The following WASF2 variants were observed in gnomAD, a reference collection of about 807,000 sequenced individuals.
WASF2 encodes WASP family member 2, also known as actin-binding protein WASF2.
A neutral mutation model predicts 45.0 loss-of-function variants in WASF2; 14 were observed. That is an observed-to-expected ratio of 0.31 (90% confidence interval 0.21 to 0.49). The LOEUF is 0.49. Among genes scored for constraint, WASF2 ranks in the 20% least tolerant of loss-of-function variants. WASF2 has a pLI of 0.99. For missense variants in WASF2, 439 were observed against 636.1 expected (o/e 0.69, Z 3.33); for synonymous variants, 200 against 236.3 (o/e 0.85, Z 1.41).
intron 1 of WASF2, among the ~76,000 whole-genome samples, chr1:27,449,426 C>T (rs2017352977): frequency 6.6e-6 from 1 of 152,022 alleles, no homozygotes; most frequent in African/African-American, 2.4e-5. Context: ...TGGTGAAACC[C>T]CATCTCTACT....
chr1:27,435,568 C>T (rs181652744), intron 1 of WASF2, among the ~76,000 whole-genome samples: 39 of 131,754 alleles, frequency 3.0e-4, no homozygotes, highest in African/African-American at 1.0e-3. Flanking sequence ...GTCTAGGCAA[C>T]GGAGACTCTG....
intron 1 of WASF2, 138 bp from the exon 2 acceptor site, chr1:27,429,071 CT>C (rs918012962): frequency 1.1e-4 from 82 of 728,474 alleles, no homozygotes; most frequent in Non-Finnish European, 1.3e-4. Context: ...TTCTCCCTAT[CT>C]TTTTTTTTCT....
At chr1:27,477,330 A>C (rs962731764) in intron 1 of WASF2, among the ~76,000 whole-genome samples, 1 of 150,934 alleles carries the variant, frequency 6.6e-6, no homozygotes, top group African/African-American at 2.4e-5. Flanking sequence ...ACGTGAGGCC[A>C]GGAGTCCAAC....
chr1:27,414,936 C>T lies in WASF2; in HGVS notation c.565G>A (p.Gly189Arg), dbSNP rs2016807761. 6.2e-7 allele frequency: 1 copy of T among 1,614,156 alleles called. No individual in the cohort carries two copies. Among genetic ancestry groups the T allele is most frequent in the Admixed American group, 1.7e-5 (1 of 60,026 alleles). ...RKEKKDNPNR[G>R]NVNPRKIKTR... ...TTGATTTTACGTGGGTTTACATTCC[C>T]TCGATTTGGATTATCTTTCTTTTCT... The change falls in exon 6 of 9, where the codon GGG becomes AGG. Residue 189 changes from glycine (G) to arginine (R), a missense_variant. This residue lies in a region of WASF2 where 23 missense variants were observed against 69.7 expected (regional missense o/e 0.33). Coordinates refer to ENST00000618852, the MANE Select transcript of WASF2 (RefSeq NM_006990.5). This position sits in a 1 kb window ranked among gnomAD's most constrained non-coding sequence, Gnocchi z 4.1.
At position 27,415,193 on chromosome 1, in the gene WASF2, G is replaced by A. The variant is rs76754195; in HGVS notation, c.538-230C>T. 4.6e-3 allele frequency among the ~76,000 whole-genome samples: 699 copies of A among 152,270 alleles called. 1 individual carries two copies. Among genetic ancestry groups the A allele is most frequent in the African/African-American group, 8.4e-3 (347 of 41,540 alleles). ...CCCACACTCAAATGCCTCCAGCAAC[G>A]GGAACCCCACTTCCTCTTTGGATAA... is the stretch of plus-strand genomic sequence containing the variant. On this transcript the variant is annotated intron_variant, in intron 5 of 8. Transcript: ENST00000618852.
intron 1 of WASF2, among the ~76,000 whole-genome samples, chr1:27,441,350 G>A (rs1244180892): frequency 6.6e-6 from 1 of 151,882 alleles, no homozygotes; most frequent in African/African-American, 2.4e-5. Context: ...AAACGTGGCT[G>A]GGCGTGGTGG....
intron 1 of WASF2, among the ~76,000 whole-genome samples, chr1:27,478,275 C>CAAAAAAAA (rs765416697): frequency 2.0e-5 from 1 of 49,950 alleles, no homozygotes; most frequent in African/African-American, 7.3e-5. Flanking sequence ...AATAGCAAAG[C>CAAAAAAAA]AAAAAAAAAA....
At chr1:27,479,902 T>G (rs888132235) in intron 1 of WASF2, among the ~76,000 whole-genome samples, 1 of 152,088 alleles carries the variant, frequency 6.6e-6, no homozygotes, top group Non-Finnish European at 1.5e-5. Context: ...TACTAACATA[T>G]CTCAAGTGCT....
intron 2 of WASF2, among the ~76,000 whole-genome samples, chr1:27,425,703 G>T (rs1467320809): frequency 6.6e-6 from 1 of 152,148 alleles, no homozygotes; most frequent in Non-Finnish European, 1.5e-5. Flanking sequence ...GCCAGGCATG[G>T]TGGCGGGCGC....
intron 5 of WASF2, among the ~76,000 whole-genome samples, chr1:27,415,728 T>C (rs938325683): frequency 6.6e-6 from 1 of 151,904 alleles, no homozygotes; most frequent in African/African-American, 2.4e-5. Flanking sequence ...AAATGGTGAA[T>C]AGAAAAGTCA....
chr1:27,424,257 G>A (rs1267539387), intron 2 of WASF2, among the ~76,000 whole-genome samples: 2 of 152,158 alleles, frequency 1.3e-5, no homozygotes, highest in Non-Finnish European at 2.9e-5. Flanking sequence ...CTCTCAGCTA[G>A]ATGAAATCCC....
Position 27,454,095 on chromosome 1 carries a change from A to G in WASF2, c.-43-25162T>C, listed in dbSNP as rs986114266. Among the ~76,000 whole-genome samples the G allele has an allele frequency of 1.6e-4, 23 of 147,086 alleles. No individual in the cohort carries two copies. In the South Asian group the frequency reaches 4.7e-3, roughly 30 times the overall value. On this transcript the variant is annotated intron_variant, in intron 1 of 8. Transcript: ENST00000618852. Reference sequence around the variant, plus strand: ...CTAGAACTTCATATGACTCTAATATATATACATATATATGTGTATATATAT... The same window carrying G: ...CTAGAACTTCATATGACTCTAATATGTATACATATATATGTGTATATATAT...
In WASF2 at chr1:27,404,691, G is replaced by A. The variant is rs1005635276; in HGVS notation, c.*3498C>T. On this transcript the variant is annotated 3_prime_UTR_variant, in exon 9 of 9. Coordinates refer to ENST00000618852, the MANE Select transcript of WASF2 (RefSeq NM_006990.5). The stretch of plus-strand genomic sequence containing the variant: ...AGCATTATGGCTTACTCTACTACAT[G>A]TACATCATTCTAGACAGAAAGTAAA... 2.6e-5 allele frequency: 4 copies of A among 152,346 alleles called. No homozygotes were observed. Among genetic ancestry groups the A allele is most frequent in the South Asian group, 2.1e-4 (1 of 4,828 alleles). The allele number at this position is 152,346 out of a possible 1,614,324, so 9.4% of individuals were successfully genotyped here.
intron 1 of WASF2, among the ~76,000 whole-genome samples, chr1:27,478,218 A>G (rs1447339599): frequency 6.6e-6 from 1 of 151,932 alleles, no homozygotes; most frequent in Non-Finnish European, 1.5e-5. Context: ...CTCCAAAAAA[A>G]ATAAAAAAGG....
intron 1 of WASF2, among the ~76,000 whole-genome samples, chr1:27,451,367 G>C (rs1255708409): frequency 1.3e-5 from 2 of 152,180 alleles, no homozygotes; most frequent in Admixed American, 1.3e-4. Context: ...CTTCCAGGTG[G>C]AGGGAGTAGC....
At chr1:27,471,521 G>A (rs1428701904) in intron 1 of WASF2, among the ~76,000 whole-genome samples, 1 of 152,060 alleles carries the variant, frequency 6.6e-6, no homozygotes, top group South Asian at 2.1e-4. Context: ...CCAGCTACTT[G>A]AGAGGCTGAG....
intron 3 of WASF2, 140 bp from the exon 4 acceptor site, chr1:27,418,562 T>C: frequency 8.5e-7 from 1 of 1,180,036 alleles, no homozygotes; most frequent in Non-Finnish European, 1.2e-6. Flanking sequence ...TCCCTCCCCC[T>C]CTGGGGAAGC....
At chr1:27,484,667 C>T (rs1430888116) in intron 1 of WASF2, among the ~76,000 whole-genome samples, 2 of 151,790 alleles carry the variant, frequency 1.3e-5, no homozygotes, top group African/African-American at 4.8e-5. Context: ...AAAAAATTAG[C>T]CAGGCATGGT....
At chr1:27,413,489 A>G (rs2016791789) in intron 6 of WASF2, among the ~76,000 whole-genome samples, 1 of 152,142 alleles carries the variant, frequency 6.6e-6, no homozygotes, top group Non-Finnish European at 1.5e-5. Context: ...AACTCATCTA[A>G]AACAGACCTC....
Sources: gnomAD v4.1 joint callset for allele counts (sites outside exome capture counted in the v4.1 genomes callset) on GRCh38, gnomAD v4.1.1 for gene constraint, gnomAD v4.1.1 regional missense constraint, Gnocchi (gnomAD v3.1) non-coding constraint, MANE v1.5 for transcripts, NCBI Gene and HGNC (gene_info 2026-07-23, HGNC 2026-07-21) for gene names.